The following NAA16 variants were observed in gnomAD, a reference collection of about 807,000 sequenced individuals.
The protein encoded by NAA16 is NARG1-like protein.
A neutral mutation model predicts 110.3 loss-of-function variants in NAA16; 97 were observed. The observed-to-expected ratio is 0.88, with a 90% CI of 0.75 to 1.04. NAA16 has a LOEUF of 1.04. Among genes scored for constraint, NAA16 ranks in the 50% least tolerant of loss-of-function variants. The pLI, the probability that NAA16 is intolerant of heterozygous loss-of-function variation, is 0.00. For missense variants in NAA16, 1,017 were observed against 1,005.1 expected (o/e 1.01, Z -0.16); for synonymous variants, 372 against 330.6 (o/e 1.13, Z -1.36).
At chr13:41,347,765 A>C (rs1039375318) in intron 9 of NAA16, among the ~76,000 whole-genome samples, 1 of 152,170 alleles carries the variant, frequency 6.6e-6, no homozygotes, top group Non-Finnish European at 1.5e-5. Flanking sequence ...AGGATTTTCT[A>C]TGTGCAACAT....
chr13:41,358,788 T>C, intron 11 of NAA16, 22 bp from the exon 12 acceptor site: 1 of 1,546,786 alleles, frequency 6.5e-7, no homozygotes, highest in Non-Finnish European at 8.7e-7. Flanking sequence ...TAAATTGTGG[T>C]TCCTTTAATT....
intron 13 of NAA16, chr13:41,362,422 T>C (rs1463087388): frequency 2.7e-6 from 1 of 371,176 alleles, no homozygotes; most frequent in African/African-American, 2.1e-5. Flanking sequence ...TTAACATAAA[T>C]TCAAAATTTA....
intron 6 of NAA16, among the ~76,000 whole-genome samples, chr13:41,327,290 T>C (rs1162557199): frequency 6.6e-6 from 1 of 152,152 alleles, no homozygotes; most frequent in Non-Finnish European, 1.5e-5. Flanking sequence ...CTGTTACTTA[T>C]TGATGGTAGC....
At chr13:41,331,223 A>G (rs751044713) in intron 7 of NAA16, 51 bp from the exon 8 acceptor site, 7 of 1,085,332 alleles carry the variant, frequency 6.4e-6, no homozygotes, top group African/African-American at 1.6e-5. Flanking sequence ...GCATTTTACC[A>G]TAGATAAAAG....
At chr13:41,318,740 A>G (rs1191394649) in intron 2 of NAA16, 66 bp from the exon 3 acceptor site, 2 of 729,738 alleles carry the variant, frequency 2.7e-6, no homozygotes, top group South Asian at 3.1e-5. Flanking sequence ...CTATTAAAGT[A>G]CTATTAAGAG....
chr13:41,359,675 G>A (rs915848014), intron 12 of NAA16, among the ~76,000 whole-genome samples: 3 of 152,086 alleles, frequency 2.0e-5, no homozygotes, highest in Admixed American at 1.3e-4. Context: ...CACTGTACAC[G>A]AATCAGTTCC....
chr13:41,326,166 A>G (rs1292791217), intron 6 of NAA16, among the ~76,000 whole-genome samples: 3 of 152,144 alleles, frequency 2.0e-5, no homozygotes, highest in Non-Finnish European at 4.4e-5. Context: ...TTGAATATGT[A>G]TCTCTGTATA....
At chr13:41,372,395 GTTTC>G (rs2043339892) in intron 16 of NAA16, 84 bp downstream of exon 16, 1 of 1,400,162 alleles carries the variant, frequency 7.1e-7, no homozygotes, top group African/African-American at 1.5e-5. Context: ...ATCTATTTTT[GTTTC>G]TTAGATTTTC....
At chr13:41,346,255 G>A (rs1281099125) in intron 9 of NAA16, among the ~76,000 whole-genome samples, 2 of 152,190 alleles carry the variant, frequency 1.3e-5, no homozygotes, top group Non-Finnish European at 2.9e-5. Context: ...CCTGTTGAAC[G>A]ATCTTGGCAG....
chr13:41,356,174 T>C (rs7350697), intron 10 of NAA16, among the ~76,000 whole-genome samples: 144,641 of 152,210 alleles, frequency 0.95, 68,789 homozygotes, highest in East Asian at 1. Flanking sequence ...TGTGTGTGCA[T>C]ACGCGCGCAC....
intron 9 of NAA16, among the ~76,000 whole-genome samples, chr13:41,345,243 T>G (rs562193736): frequency 6.6e-6 from 1 of 152,374 alleles, no homozygotes; most frequent in South Asian, 2.1e-4. Context: ...ACTCTATGTT[T>G]AAACTTTTAA....
intron 1 of NAA16, among the ~76,000 whole-genome samples, chr13:41,315,551 C>G (rs759833328): frequency 1.3e-5 from 2 of 152,084 alleles, no homozygotes; most frequent in African/African-American, 2.4e-5. Context: ...GTTTCAGTTT[C>G]CACATCTCTG....
At chr13:41,350,608 T>G (rs1462853662) in intron 9 of NAA16, among the ~76,000 whole-genome samples, 5 of 14,082 alleles carry the variant, frequency 3.6e-4, no homozygotes, top group East Asian at 3.7e-3. Context: ...TTTTTTTTTG[T>G]TTTTTTTTTT....
rs778111061 is a variant in NAA16 at position 41,323,114 on chromosome 13, A to G, written c.461A>G (p.Tyr154Cys). The G allele has an allele frequency of 2.2e-5, 35 of 1,613,878 alleles. No homozygotes were observed. The highest frequency in any genetic ancestry group is 2.8e-5 in the Non-Finnish European group (33 of 1,179,850). Residue 154 changes from tyrosine to cysteine, a missense_variant, in exon 5 of 20, where the codon TAT becomes TGT. Physicochemically the swap from Tyr to Cys is radical, Grantham distance 194 (BLOSUM62 -2). Transcript: ENST00000379406. ...ACACAGCGTGCCTCCTGGATTGGAT[A>G]TGCTATTGCATACCATTTGCTGAAA... ...RPTQRASWIG[Y>C]AIAYHLLKDY...
At chr13:41,365,263 G>C (rs2043187169) in intron 13 of NAA16, among the ~76,000 whole-genome samples, 1 of 152,068 alleles carries the variant, frequency 6.6e-6, no homozygotes, top group Admixed American at 6.6e-5. Context: ...GTTTCTTAGG[G>C]TAGTGGTTAC....
rs146073719 is a variant in NAA16, at chr13:41,336,373, G to A, written c.908-277G>A. Among the ~76,000 whole-genome samples the A allele has an allele frequency of 5.5e-3, 840 of 152,252 alleles. 8 individuals are homozygous for A. The highest frequency in any genetic ancestry group is 9.9e-3 in the Non-Finnish European group (670 of 68,006). ...ATCTTTTGGCTATCACTTGAATATA[G>A]TGCTGGTAGTCTGCTGCAGAGTGCT... On this transcript the variant is annotated intron_variant, in intron 8 of 19. Coordinates refer to ENST00000379406, the MANE Select transcript of NAA16 (RefSeq NM_024561.5).
At chr13:41,362,450 A>G (rs2043132262) in intron 13 of NAA16, 1 of 338,984 alleles carries the variant, frequency 2.9e-6, no homozygotes, top group Non-Finnish European at 5.6e-6. Flanking sequence ...TAATTAGGCC[A>G]TTATTTTGAT....
At chr13:41,365,051 C>T (rs374116950) in intron 13 of NAA16, among the ~76,000 whole-genome samples, 217 of 152,208 alleles carry the variant, frequency 1.4e-3, no homozygotes, top group Non-Finnish European at 2.8e-3. Flanking sequence ...GAGTTAAGGG[C>T]ATGAGCTGTA....
chr13:41,324,428 T>G (rs1429420944), intron 5 of NAA16, among the ~76,000 whole-genome samples: 2 of 130,242 alleles, frequency 1.5e-5, no homozygotes, highest in Non-Finnish European at 3.1e-5. Context: ...CAGGCTAGAG[T>G]TCAGTGGTGC....
Sources: gnomAD v4.1 joint callset for allele counts (sites outside exome capture counted in the v4.1 genomes callset) on GRCh38, gnomAD v4.1.1 for gene constraint, MANE v1.5 for transcripts, NCBI Gene and HGNC (gene_info 2026-07-23, HGNC 2026-07-21) for gene names.